The following ATXN7 variants were observed in gnomAD, a reference collection of about 807,000 sequenced individuals.
ATXN7 encodes ataxin-7.
ATXN7 carries 12 observed loss-of-function variants against 70.5 expected under a neutral mutation model. That is an observed-to-expected ratio of 0.17 (90% CI 0.11 to 0.28). The LOEUF (loss-of-function observed/expected upper bound fraction) is 0.28. Ranked by LOEUF, ATXN7 falls within the 10% of genes least tolerant of loss-of-function variation. The pLI is 1.00. For synonymous variants in ATXN7, 498 were observed against 448.7 expected, an observed-to-expected ratio of 1.11 and a Z score of -1.39; for missense variants, 1,256 against 1,131.7, an observed-to-expected ratio of 1.11 and a Z score of -1.58.
At chr3:63,931,552 C>T (rs150275225) in intron 4 of ATXN7, among the ~76,000 whole-genome samples, 1,935 of 152,256 alleles carry the variant, frequency 0.013, 18 homozygotes, top group Non-Finnish European at 0.018. Flanking sequence ...CTAATGAGGC[C>T]GCTACAGGTC....
At chr3:63,888,472 A>ACTATTCTAT (rs1244279800) in intron 1 of ATXN7, among the ~76,000 whole-genome samples, 4 of 152,168 alleles carry the variant, frequency 2.6e-5, no homozygotes, top group Non-Finnish European at 5.9e-5. Context: ...AAGATATAGA[A>ACTATTCTAT]CTATTCTATC....
upstream of ATXN7, chr3:63,863,850 G>A (rs2107179692): frequency 3.3e-6 from 4 of 1,218,198 alleles, no homozygotes; most frequent in South Asian, 1.2e-4. Flanking sequence ...GTTGGCGGCG[G>A]CGGAGGTCAA....
At chr3:63,920,255 C>A (rs2107316769) in intron 4 of ATXN7, among the ~76,000 whole-genome samples, 2 of 152,218 alleles carry the variant, frequency 1.3e-5, no homozygotes, top group Admixed American at 1.3e-4. Context: ...GTCCAATTTA[C>A]AGTTTTGATT....
intron 4 of ATXN7, among the ~76,000 whole-genome samples, chr3:63,917,987 C>G (rs1007218782): frequency 2.4e-4 from 37 of 152,168 alleles, no homozygotes; most frequent in Non-Finnish European, 4.7e-4. Context: ...TTTACACTTT[C>G]CAGAAAGGGT....
At chr3:63,967,741 CCT>C (rs763455993) in intron 5 of ATXN7, 84 of 1,402,350 alleles carry the variant, frequency 6.0e-5, no homozygotes, top group Admixed American at 1.1e-4. Flanking sequence ...GACTCCACCC[CCT>C]GTTTTCTGTT....
intron 4 of ATXN7, among the ~76,000 whole-genome samples, chr3:63,922,715 T>A (rs1704556990): frequency 1.3e-5 from 2 of 152,096 alleles, no homozygotes; most frequent in Non-Finnish European, 2.9e-5. Flanking sequence ...ATTTAGAAAA[T>A]TGCCTTTTCA....
chr3:63,958,697 C>G (rs1288334444), intron 5 of ATXN7, among the ~76,000 whole-genome samples: 2 of 151,992 alleles, frequency 1.3e-5, no homozygotes, highest in Admixed American at 1.3e-4. Context: ...AAATTTAAGT[C>G]CACTGACTAA....
chr3:63,974,304 C>G (rs982158940), intron 5 of ATXN7, among the ~76,000 whole-genome samples: 1 of 152,238 alleles, frequency 6.6e-6, no homozygotes. Context: ...AAACTGTCAT[C>G]GATGACAAAT....
intron 4 of ATXN7, among the ~76,000 whole-genome samples, chr3:63,949,320 T>A (rs1414384494): frequency 6.6e-6 from 1 of 152,066 alleles, no homozygotes; most frequent in Non-Finnish European, 1.5e-5. Context: ...CTAGTTTACT[T>A]CCAAATATGG....
chr3:63,975,594 T>C (rs1157753192), intron 5 of ATXN7, among the ~76,000 whole-genome samples: 4 of 152,252 alleles, frequency 2.6e-5, no homozygotes, highest in Non-Finnish European at 5.9e-5. Context: ...CAAAGCAATA[T>C]TTATGATATA....
intron 5 of ATXN7, among the ~76,000 whole-genome samples, chr3:63,974,090 C>T (rs1412521961): frequency 6.6e-6 from 1 of 151,992 alleles, no homozygotes; most frequent in Non-Finnish European, 1.5e-5. Flanking sequence ...CGTCGGAGAC[C>T]CTCCCCTGTC....
At chr3:63,967,933 C>T (rs2075253794) in intron 5 of ATXN7, 1 of 1,535,828 alleles carries the variant, frequency 6.5e-7, no homozygotes, top group African/African-American at 1.4e-5. Context: ...CAAGACGCCT[C>T]TCCAAAGCAG....
intron 4 of ATXN7, among the ~76,000 whole-genome samples, chr3:63,938,528 C>T (rs940680133): frequency 6.6e-6 from 1 of 152,128 alleles, no homozygotes; most frequent in Non-Finnish European, 1.5e-5. Context: ...CAGCTGTACA[C>T]ATGGGTTTTA....
Position 63,952,109 on chromosome 3 carries a change from G to A in ATXN7, c.395-270G>A, listed in dbSNP as rs116206752. Among the ~76,000 whole-genome samples the A allele has an allele frequency of 7.0e-3, 1,067 of 152,258 alleles. 16 individuals carry two copies. The highest frequency in any genetic ancestry group is 0.023 in the African/African-American group (939 of 41,536). Reference sequence around the variant, plus strand: ...TAACTCTTGGTAGAGTTCATCTAATGTTGCTTTATTGTGCAAATATATTCA... The same window carrying A: ...TAACTCTTGGTAGAGTTCATCTAATATTGCTTTATTGTGCAAATATATTCA... On this transcript the variant is annotated intron_variant, in intron 4 of 12. Coordinates refer to ENST00000674280, the MANE Select transcript of ATXN7 (RefSeq NM_001377405.1).
chr3:63,953,991 A>G (rs1176396301), intron 5 of ATXN7, among the ~76,000 whole-genome samples: 2 of 152,132 alleles, frequency 1.3e-5, no homozygotes, highest in Non-Finnish European at 2.9e-5. Flanking sequence ...GGCTGTCGAG[A>G]CTGCTGTTGT....
At chr3:63,954,382 G>A (rs1399791290) in intron 5 of ATXN7, among the ~76,000 whole-genome samples, 2 of 152,220 alleles carry the variant, frequency 1.3e-5, no homozygotes, top group Non-Finnish European at 1.5e-5. Context: ...TGTGCTGCAC[G>A]AGTCACCATT....
At chr3:63,946,214 A>G (rs1366342150) in intron 4 of ATXN7, among the ~76,000 whole-genome samples, 1 of 152,178 alleles carries the variant, frequency 6.6e-6, no homozygotes, top group Non-Finnish European at 1.5e-5. Flanking sequence ...AAGGGCTGAA[A>G]TGGCAGGCAT....
chr3:63,890,721 T>C (rs991789434), intron 1 of ATXN7, among the ~76,000 whole-genome samples: 2 of 152,116 alleles, frequency 1.3e-5, no homozygotes, highest in Admixed American at 6.6e-5. Flanking sequence ...TTTATAAGAG[T>C]AGGCTAACTG....
chr3:63,863,348 G>GC (rs953254279), upstream of ATXN7, among the ~76,000 whole-genome samples: 1 of 152,094 alleles, frequency 6.6e-6, no homozygotes, highest in African/African-American at 2.4e-5. Context: ...CCAGCCCTAA[G>GC]CCCGGCACCA....
Sources: gnomAD v4.1 joint callset for allele counts (sites outside exome capture counted in the v4.1 genomes callset) on GRCh38, gnomAD v4.1.1 for gene constraint, MANE v1.5 for transcripts, NCBI Gene and HGNC (gene_info 2026-07-23, HGNC 2026-07-21) for gene names.